Variants in CCSER1 observed in about 807,000 individuals in gnomAD.
CCSER1 encodes the protein serine-rich coiled-coil domain-containing protein 1.
In CCSER1, 41 loss-of-function variants were observed where a neutral mutation model predicts 82.0. That is an observed-to-expected ratio of 0.50 (90% CI 0.39 to 0.65). The LOEUF (loss-of-function observed/expected upper bound fraction) is 0.65, where lower values mean the gene tolerates loss of function less well. Among genes scored for constraint, CCSER1 ranks in the 30% least tolerant of loss-of-function variants. The pLI, the probability that CCSER1 is intolerant of heterozygous loss-of-function variation, is 0.00. For synonymous variants in CCSER1, 414 were observed against 383.9 expected, an observed-to-expected ratio of 1.08 and a Z score of -0.92; for missense variants, 1,119 against 1,064.2, an observed-to-expected ratio of 1.05 and a Z score of -0.72.
chr4:91,415,462 G>T (rs1753303841), intron 10 of CCSER1, among the ~76,000 whole-genome samples: 1 of 152,078 alleles, frequency 6.6e-6, no homozygotes, highest in African/African-American at 2.4e-5. Context: ...ATTAAGCATG[G>T]TAAGGGAGGG....
At chr4:90,179,378 G>C (rs375798157) in intron 1 of CCSER1, among the ~76,000 whole-genome samples, 1 of 152,096 alleles carries the variant, frequency 6.6e-6, no homozygotes, top group Non-Finnish European at 1.5e-5. Flanking sequence ...GATATTTTCC[G>C]AAGTATAATT....
chr4:91,041,254 A>G (rs977507717), intron 9 of CCSER1, among the ~76,000 whole-genome samples: 2 of 152,152 alleles, frequency 1.3e-5, no homozygotes, highest in Admixed American at 1.3e-4. Context: ...GTTTTTACAC[A>G]TATCATTTGA....
At chr4:90,138,726 A>G (rs1724171114) in intron 1 of CCSER1, among the ~76,000 whole-genome samples, 1 of 151,822 alleles carries the variant, frequency 6.6e-6, no homozygotes, top group Non-Finnish European at 1.5e-5. Context: ...ATTTTACTTT[A>G]AGTTCTAGGG....
At chr4:91,120,306 C>T (rs1726973565) in intron 10 of CCSER1, among the ~76,000 whole-genome samples, 1 of 151,952 alleles carries the variant, frequency 6.6e-6, no homozygotes, top group Admixed American at 6.6e-5. Flanking sequence ...GAAGTAATTG[C>T]ATGAGACAAA....
chr4:91,287,442 T>C (rs1743368152), intron 10 of CCSER1, among the ~76,000 whole-genome samples: 1 of 152,008 alleles, frequency 6.6e-6, no homozygotes, highest in Non-Finnish European at 1.5e-5. Context: ...GATATAGCTT[T>C]GATTTTATTT....
At chr4:91,525,531 G>T (rs916931728) in intron 10 of CCSER1, among the ~76,000 whole-genome samples, 1 of 152,094 alleles carries the variant, frequency 6.6e-6, no homozygotes, top group African/African-American at 2.4e-5. Context: ...ATGGGAAATT[G>T]TTTTATAATG....
At chr4:91,111,432 CTT>C (rs1726085266) in intron 10 of CCSER1, among the ~76,000 whole-genome samples, 1 of 151,798 alleles carries the variant, frequency 6.6e-6, no homozygotes, top group Admixed American at 6.6e-5. Flanking sequence ...GAAGGACACT[CTT>C]TAAAATGACA....
rs1765204950 is a variant in CCSER1 at position 90,862,298 on chromosome 4, C to T, written c.2094+46453C>T. Among the ~76,000 whole-genome samples the T allele has an allele frequency of 1.3e-5, 2 of 151,868 alleles. 1 individual carries two copies. Among genetic ancestry groups the T allele is most frequent in the South Asian group, 4.1e-4 (2 of 4,828 alleles). The stretch of plus-strand genomic sequence containing the variant: ...CTGGGCTGGTACTGTGTCCCCAAGA[C>T]TAGTAAATAATTATGTACGTTAGAA... On this transcript the variant is annotated intron_variant, in intron 8 of 10. Transcript: ENST00000509176.
chr4:91,032,306 A>G (rs1741051511), intron 9 of CCSER1, among the ~76,000 whole-genome samples: 1 of 152,130 alleles, frequency 6.6e-6, no homozygotes, highest in Non-Finnish European at 1.5e-5. Context: ...TAACCCATCT[A>G]CATTTTATCA....
chr4:91,277,457 AGTTT>A (rs1285578019), intron 10 of CCSER1, among the ~76,000 whole-genome samples: 5 of 143,704 alleles, frequency 3.5e-5, no homozygotes, highest in Admixed American at 3.4e-4. Flanking sequence ...TAAGTTTTCC[AGTTT>A]GTTAGTATAT....
At chr4:91,079,683 G>T (rs1197778980) in intron 9 of CCSER1, among the ~76,000 whole-genome samples, 1 of 152,156 alleles carries the variant, frequency 6.6e-6, no homozygotes, top group Non-Finnish European at 1.5e-5. Context: ...CATCTCACAT[G>T]CAGAGACAAA....
intron 3 of CCSER1, among the ~76,000 whole-genome samples, chr4:90,344,776 T>TA (rs1742032844): frequency 6.6e-6 from 1 of 152,116 alleles, no homozygotes. Context: ...AAAACTTTAA[T>TA]ACACCTCTGA....
At chr4:90,781,100 A>G in intron 7 of CCSER1, 1 of 188,928 alleles carries the variant, frequency 5.3e-6, no homozygotes, top group Non-Finnish European at 9.8e-6. Context: ...AGAACTCACT[A>G]TCCGGAAGAC....
chr4:91,532,006 C>G (rs1004514944), intron 10 of CCSER1, among the ~76,000 whole-genome samples: 31 of 152,168 alleles, frequency 2.0e-4, no homozygotes, highest in African/African-American at 5.6e-4. Context: ...AGCCACTGCT[C>G]CAGGCCTACA....
intron 10 of CCSER1, among the ~76,000 whole-genome samples, chr4:91,338,382 A>G (rs948879918): frequency 6.6e-6 from 1 of 152,158 alleles, no homozygotes; most frequent in Non-Finnish European, 1.5e-5. Context: ...CAAAAGTCCA[A>G]AGAATTGTCC....
At chr4:91,067,019 G>A (rs1720890076) in intron 9 of CCSER1, among the ~76,000 whole-genome samples, 1 of 152,090 alleles carries the variant, frequency 6.6e-6, no homozygotes, top group Non-Finnish European at 1.5e-5. Flanking sequence ...CAAAAAATTA[G>A]CCGGGCATGG....
intron 9 of CCSER1, among the ~76,000 whole-genome samples, chr4:90,940,951 T>G (rs2150326790): frequency 6.6e-6 from 1 of 152,258 alleles, no homozygotes; most frequent in Admixed American, 6.5e-5. Context: ...CAGAATTAAA[T>G]GTGATGTATG....
intron 1 of CCSER1, among the ~76,000 whole-genome samples, chr4:90,272,082 G>A (rs915617606): frequency 1.8e-4 from 27 of 151,172 alleles, no homozygotes; most frequent in Admixed American, 1.8e-3. Flanking sequence ...AACAGCGTGG[G>A]GGAAACCACC....
chr4:90,571,734 C>A (rs2153654352), intron 5 of CCSER1, among the ~76,000 whole-genome samples: 1 of 152,174 alleles, frequency 6.6e-6, no homozygotes, highest in East Asian at 1.9e-4. Flanking sequence ...ACATGTACCA[C>A]CTGAATTTAA....
Sources: allele counts gnomAD v4.1 joint callset (sites outside exome capture counted in the v4.1 genomes callset), GRCh38; gene constraint gnomAD v4.1.1; transcripts MANE v1.5; gene names NCBI Gene and HGNC (gene_info 2026-07-23, HGNC 2026-07-21).